SMARCC1: variants seen among roughly 807,000 people sequenced by gnomAD.
SMARCC1 encodes the protein SWI/SNF complex subunit SMARCC1.
SMARCC1 carries 43 observed loss-of-function variants against 147.4 expected under a neutral mutation model. The observed-to-expected ratio is 0.29, with a 90% CI of 0.23 to 0.38. SMARCC1 has a LOEUF of 0.38. Ranked by LOEUF, SMARCC1 falls within the 10% of genes least tolerant of loss-of-function variation. SMARCC1 has a pLI of 1.00. For synonymous variants in SMARCC1, 495 were observed against 484.4 expected, an observed-to-expected ratio of 1.02 and a Z score of -0.29; for missense variants, 1,119 against 1,381.1, an observed-to-expected ratio of 0.81 and a Z score of 3.01.
rs80235999 is a variant in SMARCC1 at position 47,595,012 on chromosome 3, G to A, written c.3044-4175C>T. Among the ~76,000 whole-genome samples, 157 of 152,202 alleles carry A rather than the reference G, an allele frequency of 1.0e-3. 5 individuals carry two copies. In the East Asian group the frequency reaches 0.027, roughly 26 times the overall value. ...GGAATGTTACATAAGTGGAAGCACCGTTTGCAACATTTTGGGATTGGTTTT... is the reference window on the plus strand; with the variant it reads ...GGAATGTTACATAAGTGGAAGCACCATTTGCAACATTTTGGGATTGGTTTT... On this transcript the variant is annotated intron_variant, in intron 26 of 27. Transcript: ENST00000254480.
chr3:47,720,837 A>G (rs1329022027), intron 6 of SMARCC1, 102 bp from the exon 7 acceptor site: 1 of 955,242 alleles, frequency 1.0e-6, no homozygotes, highest in Non-Finnish European at 1.6e-6. Context: ...TTTGCTAACG[A>G]ACAACATTTT....
rs2034726517 is a variant in SMARCC1 at position 47,758,217 on chromosome 3, T to C, written c.316-12224A>G. Among the ~76,000 whole-genome samples, 2 of 152,070 alleles carry C rather than the reference T, an allele frequency of 1.3e-5. 1 individual carries two copies. The highest frequency in any genetic ancestry group is 4.1e-4 in the South Asian group (2 of 4,822). Reference sequence around the variant, plus strand: ...TCACTGCAGCCTTCAACTCCTGGGCTCAAGTGATCCTCACACCTCAACCTC... The same window carrying C: ...TCACTGCAGCCTTCAACTCCTGGGCCCAAGTGATCCTCACACCTCAACCTC... On this transcript the variant is annotated intron_variant, in intron 2 of 27. Coordinates refer to ENST00000254480, the MANE Select transcript of SMARCC1 (RefSeq NM_003074.4).
At chr3:47,715,021 G>A (rs2034138046) in intron 7 of SMARCC1, among the ~76,000 whole-genome samples, 1 of 151,940 alleles carries the variant, frequency 6.6e-6, no homozygotes, top group Non-Finnish European at 1.5e-5. Flanking sequence ...CACCAAGAAA[G>A]TACTATCACC....
intron 2 of SMARCC1, among the ~76,000 whole-genome samples, chr3:47,770,219 C>T (rs2034896439): frequency 6.6e-6 from 1 of 151,344 alleles, no homozygotes; most frequent in Non-Finnish European, 1.5e-5. Flanking sequence ...CAGAGTGAGA[C>T]TGTCTCAAAA....
At chr3:47,778,528 A>G (rs901637525) in intron 1 of SMARCC1, among the ~76,000 whole-genome samples, 1 of 152,022 alleles carries the variant, frequency 6.6e-6, no homozygotes, top group African/African-American at 2.4e-5. Flanking sequence ...ATGTTGCCCA[A>G]GCTGGTCTCC....
intron 26 of SMARCC1, among the ~76,000 whole-genome samples, chr3:47,607,338 A>C (rs868185815): frequency 6.6e-6 from 1 of 152,228 alleles, no homozygotes; most frequent in Non-Finnish European, 1.5e-5. Context: ...GTTTTTCGGT[A>C]AAGTCAATAA....
intron 5 of SMARCC1, among the ~76,000 whole-genome samples, chr3:47,733,226 T>C (rs2034397644): frequency 6.6e-6 from 1 of 152,200 alleles, no homozygotes; most frequent in Non-Finnish European, 1.5e-5. Flanking sequence ...ACCAACAGAC[T>C]TGCTTGACAC....
intron 1 of SMARCC1, among the ~76,000 whole-genome samples, chr3:47,775,841 C>T (rs974984650): frequency 6.6e-6 from 1 of 151,024 alleles, no homozygotes; most frequent in African/African-American, 2.4e-5. Flanking sequence ...GCTATGTACC[C>T]ACAAAAATTA....
intron 21 of SMARCC1, 137 bp from the exon 22 acceptor site, chr3:47,638,917 A>AG: frequency 1.5e-6 from 1 of 669,986 alleles, no homozygotes; most frequent in Non-Finnish European, 2.6e-6. Flanking sequence ...AGTTGAAAAA[A>AG]GAAGTCAGGC....
chr3:47,733,481 C>T (rs1022118254), intron 5 of SMARCC1, among the ~76,000 whole-genome samples: 2 of 152,078 alleles, frequency 1.3e-5, no homozygotes, highest in African/African-American at 4.8e-5. Flanking sequence ...GAAGGCCGGG[C>T]AAGGTGGCTC....
intron 22 of SMARCC1, among the ~76,000 whole-genome samples, chr3:47,637,688 T>C (rs187960973): frequency 6.7e-6 from 1 of 148,406 alleles, no homozygotes; most frequent in Non-Finnish European, 1.5e-5. Flanking sequence ...TTCCAGCCTG[T>C]GCGACAGAGT....
chr3:47,678,520 C>A (rs1209934824), intron 15 of SMARCC1, among the ~76,000 whole-genome samples: 1 of 152,160 alleles, frequency 6.6e-6, no homozygotes, highest in East Asian at 1.9e-4. Flanking sequence ...TAATGTATAA[C>A]AACAAGTAAT....
chr3:47,607,744 A>G (rs1235198612), intron 26 of SMARCC1, among the ~76,000 whole-genome samples: 1 of 152,148 alleles, frequency 6.6e-6, no homozygotes, highest in Non-Finnish European at 1.5e-5. Flanking sequence ...CAAATGGGAC[A>G]ATTTTAGCAT....
At chr3:47,730,101 C>G (rs1225765892) in intron 5 of SMARCC1, among the ~76,000 whole-genome samples, 2 of 152,044 alleles carry the variant, frequency 1.3e-5, no homozygotes, top group African/African-American at 2.4e-5. Flanking sequence ...ATCACTTGAG[C>G]CCAGGAGGCA....
chr3:47,676,504 G>T, intron 17 of SMARCC1, 125 bp downstream of exon 17: 2 of 710,494 alleles, frequency 2.8e-6, no homozygotes, highest in Non-Finnish European at 4.6e-6. Flanking sequence ...ACACACACAA[G>T]CAAGGATCAA....
At chr3:47,734,751 A>C (rs1195225792) in intron 5 of SMARCC1, among the ~76,000 whole-genome samples, 1 of 152,196 alleles carries the variant, frequency 6.6e-6, no homozygotes, top group Non-Finnish European at 1.5e-5. Flanking sequence ...GTATCAAGAC[A>C]AAGCAAGCTT....
At chr3:47,677,387 C>T (rs1021520107) in intron 16 of SMARCC1, among the ~76,000 whole-genome samples, 1 of 148,288 alleles carries the variant, frequency 6.7e-6, no homozygotes, top group African/African-American at 2.5e-5. Context: ...AGGTGTGAGC[C>T]ACCATGCCTG....
chr3:47,780,728 G>A (rs1230217771), intron 1 of SMARCC1, among the ~76,000 whole-genome samples: 6 of 152,098 alleles, frequency 3.9e-5, no homozygotes, highest in Admixed American at 3.3e-4. Flanking sequence ...GAACTAAAGA[G>A]GGTGATAGGA....
At chr3:47,735,956 T>C (rs1014997728) in intron 5 of SMARCC1, 78 bp downstream of exon 5, 13 of 622,958 alleles carry the variant, frequency 2.1e-5, no homozygotes, top group Middle Eastern at 2.7e-4. Context: ...ATTACTATGG[T>C]TGTCATTTAT....
Sources: allele counts gnomAD v4.1 joint callset (sites outside exome capture counted in the v4.1 genomes callset), GRCh38; gene constraint gnomAD v4.1.1; transcripts MANE v1.5; gene names NCBI Gene and HGNC (gene_info 2026-07-23, HGNC 2026-07-21).